Variants in EIF3K observed in about 807,000 individuals in gnomAD.
EIF3K encodes eIF-3 p28.
Under a neutral mutation model 34.2 loss-of-function variants are expected in EIF3K, and 27 were observed. The observed-to-expected ratio is 0.79, with a 90% confidence interval of 0.58 to 1.09. The LOEUF (loss-of-function observed/expected upper bound fraction) is 1.09, where lower values mean the gene tolerates loss of function less well. Ranked by LOEUF, EIF3K falls within the 50% of genes least tolerant of loss-of-function variation. EIF3K has a pLI of 0.00. For missense variants in EIF3K, 232 were observed against 275.4 expected (o/e 0.84, Z 1.11); for synonymous variants, 105 against 105.7 (o/e 0.99, Z 0.04).
chr19:38,619,354 C>T (rs763310239), intron 1 of EIF3K, 27 bp downstream of exon 1: 8 of 1,613,000 alleles, frequency 5.0e-6, no homozygotes, highest in African/African-American at 1.3e-5. Context: ...AGGAAGCGCT[C>T]TGGCCAAGCG....
intron 4 of EIF3K, among the ~76,000 whole-genome samples, chr19:38,630,343 A>AT (rs200889380): frequency 0.028 from 3,661 of 131,560 alleles, 79 homozygotes; most frequent in Middle Eastern, 0.039. Context: ...TTATTTATTT[A>AT]TTTATTTTTT....
chr19:38,636,524 A>T (rs112446732), intron 7 of EIF3K, among the ~76,000 whole-genome samples: 115 of 152,302 alleles, frequency 7.6e-4, no homozygotes, highest in African/African-American at 2.7e-3. Context: ...TACCTAGTAA[A>T]TATTATCATG....
rs138683949 is a variant in EIF3K at position 38,624,185 on chromosome 19, C to T, written c.267C>T (p.Ile89=). 3.1e-5 allele frequency: 50 copies of T among 1,614,020 alleles called. No individual in the cohort carries two copies. The highest frequency in any genetic ancestry group is 5.3e-5 in the African/African-American group (4 of 74,904). The change falls in exon 3 of 8, where the codon ATC becomes ATT. Residue 89 remains isoleucine (I), a synonymous_variant. Coordinates refer to ENST00000248342, the MANE Select transcript of EIF3K (RefSeq NM_013234.4). ...ACTTCACCCTGTGCAAGTGCATGAT[C>T]GACCAGGCACATGTATCCTTCCAGC... ...HTDFTLCKCM[I]DQAHQEERPI...
Position 38,632,669 on chromosome 19 carries a change from G to A in EIF3K, c.490G>A (p.Asp164Asn), listed in dbSNP as rs1302673518. The A allele has an allele frequency of 6.2e-7, 1 of 1,612,956 alleles. No individual in the cohort carries two copies. Among genetic ancestry groups the A allele is most frequent in the Non-Finnish European group, 8.5e-7 (1 of 1,179,470 alleles). ...DRWLLAEMLG[D>N]LSDSQLKVWM... ...CTGGCTGCTGGCCGAGATGCTCGGG[G>A]ATCTGTCGGGTAACGCCCTCTGGGT... is the stretch of plus-strand genomic sequence containing the variant. The change falls in exon 6 of 8, where the codon GAT becomes AAT. Residue 164 changes from aspartate (D) to asparagine (N), a missense_variant. Asp to Asn is a conservative substitution (Grantham distance 23, BLOSUM62 1). Coordinates refer to ENST00000248342, the MANE Select transcript of EIF3K (RefSeq NM_013234.4).
intron 4 of EIF3K, among the ~76,000 whole-genome samples, chr19:38,631,825 G>T (rs1394626784): frequency 6.6e-6 from 1 of 152,058 alleles, no homozygotes; most frequent in Non-Finnish European, 1.5e-5. Context: ...TGTGTCCCTG[G>T]GTACTTGAGA....
intron 4 of EIF3K, 142 bp downstream of exon 4, chr19:38,626,244 T>C (rs1372734271): frequency 5.0e-6 from 4 of 794,868 alleles, no homozygotes; most frequent in Non-Finnish European, 8.4e-6. Flanking sequence ...TGTGGAATTA[T>C]CATCCTCTCG....
At chr19:38,636,516 C>T (rs1976196268) in intron 7 of EIF3K, among the ~76,000 whole-genome samples, 1 of 152,106 alleles carries the variant, frequency 6.6e-6, no homozygotes, top group South Asian at 2.1e-4. Context: ...GCAAATAGTA[C>T]CTAGTAAATA....
At chr19:38,630,089 T>C (rs1976028859) in intron 4 of EIF3K, among the ~76,000 whole-genome samples, 1 of 151,852 alleles carries the variant, frequency 6.6e-6, no homozygotes, top group Admixed American at 6.6e-5. Context: ...GGATATAACT[T>C]ACATCACATG....
At chr19:38,636,216 G>A (rs1483876055) in intron 7 of EIF3K, among the ~76,000 whole-genome samples, 1 of 152,170 alleles carries the variant, frequency 6.6e-6, no homozygotes, top group Non-Finnish European at 1.5e-5. Context: ...AGGTGGAGAG[G>A]GCAGTGCTGA....
chr19:38,636,041 C>T (rs560539009), intron 7 of EIF3K, among the ~76,000 whole-genome samples: 1 of 152,368 alleles, frequency 6.6e-6, no homozygotes, highest in Admixed American at 6.5e-5. Flanking sequence ...CAGCCATCTG[C>T]GCACTTGCAG....
chr19:38,624,494 T>C (rs573376685), intron 3 of EIF3K, among the ~76,000 whole-genome samples: 1 of 152,044 alleles, frequency 6.6e-6, no homozygotes, highest in Non-Finnish European at 1.5e-5. Flanking sequence ...TCCCGGCACT[T>C]TGAGAGGTCA....
intron 6 of EIF3K, among the ~76,000 whole-genome samples, chr19:38,633,237 G>T (rs192257664): frequency 5.9e-4 from 90 of 152,228 alleles, no homozygotes; most frequent in African/African-American, 2.1e-3. Context: ...GTGGGGCCTC[G>T]GGAGGACCTT....
At chr19:38,623,917 A>G (rs914259916) in intron 2 of EIF3K, among the ~76,000 whole-genome samples, 160 bp from the exon 3 acceptor site, 1 of 152,212 alleles carries the variant, frequency 6.6e-6, no homozygotes, top group Non-Finnish European at 1.5e-5. Flanking sequence ...AGGTAGGCTC[A>G]GGGAGGTGAA....
chr19:38,621,020 A>G (rs1975828322), intron 2 of EIF3K, among the ~76,000 whole-genome samples: 1 of 152,060 alleles, frequency 6.6e-6, no homozygotes, highest in African/African-American at 2.4e-5. Flanking sequence ...ATGGCAACAT[A>G]GCGAGACCCA....
chr19:38,634,806 CAGA>C (rs1244845161), intron 6 of EIF3K, among the ~76,000 whole-genome samples, 184 bp from the exon 7 acceptor site: 2 of 152,162 alleles, frequency 1.3e-5, no homozygotes, highest in African/African-American at 4.8e-5. Flanking sequence ...GGCGGCCATT[CAGA>C]GAATGACCCG....
chr19:38,634,022 C>T (rs1014320113), intron 6 of EIF3K, among the ~76,000 whole-genome samples: 1 of 150,762 alleles, frequency 6.6e-6, no homozygotes, highest in Non-Finnish European at 1.5e-5. Context: ...AGTGATCTGC[C>T]CACCTTGGCC....
At chr19:38,634,694 C>G (rs1372443405) in intron 6 of EIF3K, among the ~76,000 whole-genome samples, 1 of 152,186 alleles carries the variant, frequency 6.6e-6, no homozygotes, top group Non-Finnish European at 1.5e-5. Context: ...AAATACGCTG[C>G]TCTTGTTAGG....
At chr19:38,636,793 T>G in intron 7 of EIF3K, 96 bp from the exon 8 acceptor site, 36 of 1,439,412 alleles carry the variant, frequency 2.5e-5, no homozygotes, top group Non-Finnish European at 3.1e-5. Flanking sequence ...AAGGAGTTTA[T>G]GATCTCCCCC....
At position 38,620,338 on chromosome 19, in the gene EIF3K, T is replaced by C. The variant is rs770569519; in HGVS notation, c.61T>C (p.Tyr21His). 6.2e-7 allele frequency: 1 copy of C among 1,613,730 alleles called. No individual in the cohort carries two copies. Among genetic ancestry groups the C allele is most frequent in the Non-Finnish European group, 8.5e-7 (1 of 1,179,868 alleles). Residue 21 changes from tyrosine to histidine, a missense_variant and splice_region_variant, in exon 2 of 8, where the codon TAC becomes CAC. Physicochemically the swap from Tyr to His is moderately conservative, Grantham distance 83 (BLOSUM62 2). Coordinates refer to ENST00000248342, the MANE Select transcript of EIF3K (RefSeq NM_013234.4). Reference sequence around the variant, plus strand: ...TCACCTATCTTGATTCTCCTTTAGGTACAATCCTGAGAACCTGGCCACCCT... The same window carrying C: ...TCACCTATCTTGATTCTCCTTTAGGCACAATCCTGAGAACCTGGCCACCCT... ...VGKLLKGIDR[Y>H]NPENLATLER...
Sources: allele counts gnomAD v4.1 joint callset (sites outside exome capture counted in the v4.1 genomes callset), GRCh38; gene constraint gnomAD v4.1.1; transcripts MANE v1.5; gene names NCBI Gene and HGNC (gene_info 2026-07-23, HGNC 2026-07-21).